The following GPBP1 variants were observed in gnomAD, a reference collection of about 807,000 sequenced individuals.
GPBP1 encodes the protein GC-rich promoter binding protein 1, also known as vasculin.
Under a neutral mutation model 56.5 loss-of-function variants are expected in GPBP1, and 13 were observed. The ratio of observed to expected loss-of-function variants is 0.23; its 90% CI spans 0.15 to 0.37. The LOEUF (loss-of-function observed/expected upper bound fraction) is 0.37, where lower values mean the gene tolerates loss of function less well. Ranked by LOEUF, GPBP1 falls within the 10% of genes least tolerant of loss-of-function variation. The pLI, the probability that GPBP1 is intolerant of heterozygous loss-of-function variation, is 1.00. For synonymous variants in GPBP1, 204 were observed against 188.9 expected, an observed-to-expected ratio of 1.08 and a Z score of -0.66; for missense variants, 477 against 572.3, an observed-to-expected ratio of 0.83 and a Z score of 1.70.
intron 8 of GPBP1, among the ~76,000 whole-genome samples, chr5:57,248,359 G>A (rs1741189496): frequency 6.6e-6 from 1 of 151,068 alleles, no homozygotes; most frequent in East Asian, 1.9e-4. Context: ...GACACCCATA[G>A]CACTTATATT....
intron 5 of GPBP1, among the ~76,000 whole-genome samples, chr5:57,233,864 A>G (rs950495492): frequency 9.2e-5 from 14 of 152,202 alleles, no homozygotes; most frequent in African/African-American, 3.4e-4. Context: ...TGTGAGGGTT[A>G]AATTAGTAAT....
At chr5:57,219,405 C>CAAAAA (rs1200185260) in intron 3 of GPBP1, among the ~76,000 whole-genome samples, 3 of 34,186 alleles carry the variant, frequency 8.8e-5, no homozygotes, top group African/African-American at 1.2e-4. Flanking sequence ...AAAAAAAAAC[C>CAAAAA]AAAAACAAAC....
At chr5:57,242,949 C>G (rs1740901214) in intron 6 of GPBP1, among the ~76,000 whole-genome samples, 1 of 151,910 alleles carries the variant, frequency 6.6e-6, no homozygotes, top group South Asian at 2.1e-4. Flanking sequence ...CAGGGTTTCA[C>G]CATGTTGGCC....
chr5:57,213,847 A>C (rs1200739254), intron 2 of GPBP1, among the ~76,000 whole-genome samples: 1 of 152,216 alleles, frequency 6.6e-6, no homozygotes, highest in African/African-American at 2.4e-5. Flanking sequence ...AGTTGTAATA[A>C]CCACCGCAAT....
rs1030861227 is a variant in GPBP1 at position 57,264,634 on chromosome 5, G to A, written c.*1882G>A. ...GCTTTCATGCATTGTGATATGGAAT[G>A]TGTTTAGTAATTTACTCCTTATAAA... On this transcript the variant is annotated 3_prime_UTR_variant, in exon 12 of 12. Transcript: ENST00000506184. 5 of 152,158 alleles carry A rather than the reference G, an allele frequency of 3.3e-5. No homozygotes were observed. The highest frequency in any genetic ancestry group is 1.3e-4 in the Admixed American group (2 of 15,274). The allele number at this position is 152,158 out of a possible 1,614,324, so 9.4% of individuals were successfully genotyped here.
intron 5 of GPBP1, among the ~76,000 whole-genome samples, chr5:57,232,963 A>G (rs1756522983): frequency 6.6e-6 from 1 of 152,192 alleles, no homozygotes; most frequent in Admixed American, 6.5e-5. Flanking sequence ...ACAAGGTTAG[A>G]GAGAGAGGAA....
At chr5:57,200,263 T>C (rs888335975) in intron 2 of GPBP1, among the ~76,000 whole-genome samples, 3 of 151,712 alleles carry the variant, frequency 2.0e-5, no homozygotes, top group African/African-American at 7.3e-5. Context: ...TCCATGTTCT[T>C]TCTATGTTAG....
intron 3 of GPBP1, among the ~76,000 whole-genome samples, chr5:57,215,573 C>G (rs927028618): frequency 3.3e-5 from 5 of 152,232 alleles, no homozygotes; most frequent in African/African-American, 9.7e-5. Flanking sequence ...GGTTCTGACC[C>G]TAGTAGGGCT....
intron 8 of GPBP1, chr5:57,248,980 A>G (rs1057353218): frequency 6.6e-6 from 1 of 152,636 alleles, no homozygotes; most frequent in African/African-American, 2.4e-5. Context: ...CCATCTCACA[A>G]ACATTTTACC....
chr5:57,259,877 T>C (rs1204800619), intron 10 of GPBP1, among the ~76,000 whole-genome samples: 1 of 152,220 alleles, frequency 6.6e-6, no homozygotes, highest in Admixed American at 6.5e-5. Flanking sequence ...CTGTTCTTTA[T>C]CCCTTCCAAA....
chr5:57,244,727 A>ATTTTTT (rs532660984), intron 6 of GPBP1, among the ~76,000 whole-genome samples: 149 of 93,122 alleles, frequency 1.6e-3, no homozygotes, highest in Middle Eastern at 8.3e-3. Context: ...TTTGTTTGAG[A>ATTTTTT]TTTTTTTTTT....
At chr5:57,242,548 C>T (rs1397304020) in intron 6 of GPBP1, among the ~76,000 whole-genome samples, 1 of 152,122 alleles carries the variant, frequency 6.6e-6, no homozygotes, top group African/African-American at 2.4e-5. Context: ...GGCATGAGTG[C>T]AGTGGTGCGA....
chr5:57,217,731 T>C (rs2111782271), intron 3 of GPBP1, among the ~76,000 whole-genome samples: 1 of 151,106 alleles, frequency 6.6e-6, no homozygotes, highest in South Asian at 2.1e-4. Context: ...ATATTGACTC[T>C]CTTGGGTCAG....
intron 10 of GPBP1, among the ~76,000 whole-genome samples, chr5:57,257,188 C>G (rs1238334872): frequency 2.0e-5 from 3 of 152,114 alleles, no homozygotes; most frequent in Admixed American, 2.0e-4. Flanking sequence ...GCACCCGCCA[C>G]AACACCTGGC....
At chr5:57,192,753 CAAAAAA>C (rs70999061) in intron 2 of GPBP1, among the ~76,000 whole-genome samples, 2 of 103,214 alleles carry the variant, frequency 1.9e-5, no homozygotes, top group African/African-American at 8.3e-5. Context: ...AACTCCGTCT[CAAAAAA>C]AAAAAAAAAA....
chr5:57,185,709 A>T (rs916545410), intron 2 of GPBP1, among the ~76,000 whole-genome samples: 1 of 152,158 alleles, frequency 6.6e-6, no homozygotes, highest in African/African-American at 2.4e-5. Context: ...GTTTAAAAAA[A>T]AAACTGGGGC....
intron 6 of GPBP1, chr5:57,237,234 C>T (rs1756696116): frequency 9.4e-7 from 1 of 1,068,550 alleles, no homozygotes; most frequent in Non-Finnish European, 1.4e-6. Flanking sequence ...TATAGAACCA[C>T]CTGGAAGGTG....
intron 2 of GPBP1, among the ~76,000 whole-genome samples, chr5:57,191,890 T>C (rs1754542086): frequency 6.6e-6 from 1 of 152,142 alleles, no homozygotes; most frequent in South Asian, 2.1e-4. Context: ...CTTTGAAATA[T>C]ATGAGCAGAA....
intron 4 of GPBP1, 59 bp downstream of exon 4, chr5:57,231,028 G>A (rs1380854295): frequency 3.8e-6 from 6 of 1,582,636 alleles, no homozygotes; most frequent in Non-Finnish European, 5.2e-6. Context: ...TTTAAAGAAT[G>A]TTTTGATGTG....
Sources: gnomAD v4.1 joint callset for allele counts (sites outside exome capture counted in the v4.1 genomes callset) on GRCh38, gnomAD v4.1.1 for gene constraint, MANE v1.5 for transcripts, NCBI Gene and HGNC (gene_info 2026-07-23, HGNC 2026-07-21) for gene names.